ST8SIA2: variants seen among roughly 807,000 people sequenced by gnomAD.
ST8SIA2 encodes the protein alpha-2,8-sialyltransferase 8B.
ST8SIA2 carries 22 observed loss-of-function variants against 37.6 expected under a neutral mutation model. The ratio of observed to expected loss-of-function variants is 0.58; its 90% confidence interval spans 0.42 to 0.83. The LOEUF (loss-of-function observed/expected upper bound fraction) is 0.83, where lower values mean the gene tolerates loss of function less well. ST8SIA2 is among the 40% of genes least tolerant of loss of function. The pLI is 0.00. For missense variants in ST8SIA2, 382 were observed against 484.7 expected, an observed-to-expected ratio of 0.79 and a Z score of 1.99; for synonymous variants, 205 against 201.2, an observed-to-expected ratio of 1.02 and a Z score of -0.16.
In ST8SIA2 at chr15:92,429,024, T is replaced by G. The variant is rs1236971832; in HGVS notation, c.99-1025T>G. On this transcript the variant is annotated intron_variant, in intron 1 of 5. Coordinates refer to ENST00000268164, the MANE Select transcript of ST8SIA2 (RefSeq NM_006011.4). Reference sequence around the variant, plus strand: ...ACAAAATCCAGACTTAAAACCAGTGTGTGGATAGGCAATAACTCCCCCCGC... The same window carrying G: ...ACAAAATCCAGACTTAAAACCAGTGGGTGGATAGGCAATAACTCCCCCCGC... Among the ~76,000 whole-genome samples the G allele has an allele frequency of 2.0e-5, 3 of 152,202 alleles. No homozygotes were observed. In the East Asian group the frequency reaches 5.8e-4, roughly 29 times the overall value.
intron 4 of ST8SIA2, among the ~76,000 whole-genome samples, chr15:92,440,415 G>T (rs2049792962): frequency 6.6e-6 from 1 of 152,146 alleles, no homozygotes; most frequent in African/African-American, 2.4e-5. Context: ...CGCCACTGCT[G>T]GTGTGTGACT....
At position 92,449,414 on chromosome 15, in the gene ST8SIA2, T is replaced by A. The variant is rs571656147; in HGVS notation, c.842+4485T>A. On this transcript the variant is annotated intron_variant, in intron 5 of 5. Transcript: ENST00000268164. ...TTTTCTTTATCCAATCCACCACTTC[T>A]GGGCACCTAGTTTGATTCCATGTCC... Among the ~76,000 whole-genome samples the A allele has an allele frequency of 3.3e-5, 5 of 152,358 alleles. No individual in the cohort carries two copies. In the Middle Eastern group the frequency reaches 0.014, roughly 415 times the overall value.
chr15:92,411,152 A>C (rs555465265), intron 1 of ST8SIA2, among the ~76,000 whole-genome samples: 39 of 152,360 alleles, frequency 2.6e-4, no homozygotes, highest in African/African-American at 8.9e-4. Flanking sequence ...GTTCAGATCC[A>C]CGAACCCCTT....
chr15:92,394,485 G>A lies in ST8SIA2; in HGVS notation c.98+323G>A, dbSNP rs1596224632. Among the ~76,000 whole-genome samples, 3 of 152,296 alleles carry A rather than the reference G, an allele frequency of 2.0e-5. No homozygotes were observed. In the East Asian group the frequency reaches 5.8e-4, roughly 30 times the overall value. Reference sequence around the variant, plus strand: ...GCAGTGTCGCCGGGGTCGAGGGAGGGCGCCGGGGAGTGTCTCGGGCGGGCG... The same window carrying A: ...GCAGTGTCGCCGGGGTCGAGGGAGGACGCCGGGGAGTGTCTCGGGCGGGCG... On this transcript the variant is annotated intron_variant, in intron 1 of 5. Coordinates refer to ENST00000268164, the MANE Select transcript of ST8SIA2 (RefSeq NM_006011.4).
chr15:92,416,649 G>A (rs960548953), intron 1 of ST8SIA2, among the ~76,000 whole-genome samples: 2 of 152,232 alleles, frequency 1.3e-5, no homozygotes, highest in African/African-American at 2.4e-5. Flanking sequence ...CGTTGGACCC[G>A]CTCCAGGAGA....
rs2049879669 is a variant in ST8SIA2, at chr15:92,451,212, G to A, written c.842+6283G>A. Among the ~76,000 whole-genome samples the A allele has an allele frequency of 2.0e-5, 3 of 152,334 alleles. No individual in the cohort carries two copies. The South Asian group carries it at 6.2e-4, about 32-fold the overall frequency. ...CTGCATTCTCTCGCTCTAATGTGGT[G>A]CACCAGGTGCAGCAGAAATTTGCAC... On this transcript the variant is annotated intron_variant, in intron 5 of 5. Coordinates refer to ENST00000268164, the MANE Select transcript of ST8SIA2 (RefSeq NM_006011.4).
chr15:92,395,066 GCGCCC>G lies in ST8SIA2; in HGVS notation c.98+913_98+917del, dbSNP rs542338276. ...CTGTGTGTCCCAGGGGCTGAGACTC[GCGCCC>G]CGCCCCGCAGCCTTCGGCTCGCCGG... is the stretch of plus-strand genomic sequence containing the variant. On this transcript the variant is annotated intron_variant, in intron 1 of 5. Transcript: ENST00000268164. 1.2e-3 allele frequency among the ~76,000 whole-genome samples: 177 copies of G among 152,214 alleles called. 1 individual carries two copies. Among genetic ancestry groups the G allele is most frequent in the African/African-American group, 4.0e-3 (167 of 41,542 alleles).
chr15:92,408,677 T>TTTTTA (rs1555451199), intron 1 of ST8SIA2, among the ~76,000 whole-genome samples: 1 of 123,080 alleles, frequency 8.1e-6, no homozygotes, highest in South Asian at 2.6e-4. Context: ...GTTCCATTTT[T>TTTTTA]TTTATTTATT....
chr15:92,444,435 A>C (rs1470741447), intron 4 of ST8SIA2, among the ~76,000 whole-genome samples: 1 of 152,242 alleles, frequency 6.6e-6, no homozygotes, highest in African/African-American at 2.4e-5. Context: ...TTCTAGGTAC[A>C]CGATATGAGC....
intron 5 of ST8SIA2, among the ~76,000 whole-genome samples, chr15:92,462,876 C>T (rs774598349): frequency 6.4e-4 from 97 of 152,214 alleles, no homozygotes; most frequent in Non-Finnish European, 6.6e-4. Context: ...CATCAGCATG[C>T]GTTCTGAGTC....
chr15:92,449,223 TC>T (rs1362223236), intron 5 of ST8SIA2, among the ~76,000 whole-genome samples: 1 of 152,190 alleles, frequency 6.6e-6, no homozygotes, highest in Non-Finnish European at 1.5e-5. Flanking sequence ...AATGTTTAGC[TC>T]CCACTTATAA....
At chr15:92,449,695 T>C (rs1258660047) in intron 5 of ST8SIA2, among the ~76,000 whole-genome samples, 2 of 152,262 alleles carry the variant, frequency 1.3e-5, no homozygotes, top group Non-Finnish European at 2.9e-5. Context: ...ATAGCCATTC[T>C]GACTGGTATA....
At chr15:92,397,484 A>G (rs1596226115) in intron 1 of ST8SIA2, among the ~76,000 whole-genome samples, 1 of 152,318 alleles carries the variant, frequency 6.6e-6, no homozygotes, top group East Asian at 1.9e-4. Context: ...CAAAATGTAG[A>G]AAGATAAGTT....
At chr15:92,441,264 C>T (rs2049799555) in intron 4 of ST8SIA2, among the ~76,000 whole-genome samples, 1 of 151,980 alleles carries the variant, frequency 6.6e-6, no homozygotes. Flanking sequence ...CTAGTGCCTC[C>T]TAGGGAGTCC....
At chr15:92,399,347 C>T (rs974038756) in intron 1 of ST8SIA2, among the ~76,000 whole-genome samples, 16 of 152,218 alleles carry the variant, frequency 1.1e-4, no homozygotes, top group Admixed American at 3.3e-4. Flanking sequence ...CAGTACACCA[C>T]GGCCAGGGGT....
intron 1 of ST8SIA2, among the ~76,000 whole-genome samples, chr15:92,400,038 C>T (rs1349749630): frequency 6.6e-6 from 1 of 152,226 alleles, no homozygotes; most frequent in Admixed American, 6.5e-5. Flanking sequence ...CCTAGGATTT[C>T]ATACCTCTGT....
chr15:92,444,858 G>A lies in ST8SIA2; in HGVS notation c.771G>A (p.Glu257=). The stretch of plus-strand genomic sequence containing the variant: ...AGGAGCGTGTTGAGTGGGTCAACGA[G>A]CTTATCCTGAAGCACCACGTCAACG... ...GGKERVEWVN[E]LILKHHVNVR... The change falls in exon 5 of 6, where the codon GAG becomes GAA. Residue 257 remains glutamate, a synonymous_variant. Coordinates refer to ENST00000268164, the MANE Select transcript of ST8SIA2 (RefSeq NM_006011.4). 1 of 1,613,844 alleles carries A rather than the reference G, an allele frequency of 6.2e-7. No homozygotes were observed. Among genetic ancestry groups the A allele is most frequent in the Non-Finnish European group, 8.5e-7 (1 of 1,180,036 alleles).
intron 1 of ST8SIA2, among the ~76,000 whole-genome samples, chr15:92,398,530 C>A (rs1277703488): frequency 6.6e-6 from 1 of 152,244 alleles, no homozygotes; most frequent in Non-Finnish European, 1.5e-5. Context: ...TAGATGTTAA[C>A]ACATTCCAGC....
rs1275427997 is a variant in ST8SIA2 at position 92,430,001 on chromosome 15, G to A, written c.99-48G>A. On this transcript the variant is annotated intron_variant, in intron 1 of 5. Transcript: ENST00000268164. ...TCTCCTGGCAATTGAAGAGGGCTTT[G>A]CAAAGATGAGCTGGGTTTATAAATA... The A allele has an allele frequency of 1.9e-6, 3 of 1,606,000 alleles. No individual in the cohort carries two copies. The African/African-American group carries it at 4.0e-5, about 21-fold the overall frequency.
Sources: gnomAD v4.1 joint callset for allele counts (sites outside exome capture counted in the v4.1 genomes callset) on GRCh38, gnomAD v4.1.1 for gene constraint, MANE v1.5 for transcripts, NCBI Gene and HGNC (gene_info 2026-07-23, HGNC 2026-07-21) for gene names.